Variants in DDX46 observed in about 807,000 individuals in gnomAD.
DDX46 encodes the protein DEAD-box helicase 46.
A neutral mutation model predicts 134.9 loss-of-function variants in DDX46; 30 were observed. The ratio of observed to expected loss-of-function variants is 0.22; its 90% CI spans 0.17 to 0.30. The LOEUF (loss-of-function observed/expected upper bound fraction) is 0.30. DDX46 is among the 10% of genes least tolerant of loss of function. The probability of loss-of-function intolerance (pLI) is 1.00; values close to 1 mark genes in which losing one functional copy is unlikely to be tolerated. For synonymous variants in DDX46, 415 were observed against 404.1 expected, an observed-to-expected ratio of 1.03 and a Z score of -0.32; for missense variants, 622 against 1,248.7, an observed-to-expected ratio of 0.50 and a Z score of 7.56.
At chr5:134,806,022 G>T (rs1009577301) in intron 15 of DDX46, among the ~76,000 whole-genome samples, 2 of 151,562 alleles carry the variant, frequency 1.3e-5, no homozygotes, top group Admixed American at 6.6e-5. Flanking sequence ...AGACCAGCCT[G>T]GCCAACATGG....
intron 5 of DDX46, 21 bp from the exon 6 acceptor site, chr5:134,777,553 A>G: frequency 6.2e-7 from 1 of 1,610,862 alleles, no homozygotes; most frequent in Non-Finnish European, 8.5e-7. Flanking sequence ...TGTTTAAAGA[A>G]TGTGTATTCT....
chr5:134,794,723 G>A lies in DDX46; in HGVS notation c.1627-127G>A, dbSNP rs546033734. 2.9e-4 allele frequency: 333 copies of A among 1,146,334 alleles called. 1 individual carries two copies. In the South Asian group the frequency reaches 4.6e-3, roughly 16 times the overall value. 71.0% of individuals were successfully genotyped at this position (1,146,334 alleles called of 1,614,324 possible). ...TGTGGAGTTGTCATTTCTTGAGATT[G>A]GGAGACTGTGGGAGTGGCAAAACTG... is the stretch of plus-strand genomic sequence containing the variant. On this transcript the variant is annotated intron_variant, in intron 13 of 22. Coordinates refer to ENST00000452510, the MANE Select transcript of DDX46 (RefSeq NM_001300860.2).
At chr5:134,782,145 A>G in intron 8 of DDX46, 59 bp downstream of exon 8, 1 of 1,447,026 alleles carries the variant, frequency 6.9e-7, no homozygotes, top group Non-Finnish European at 9.2e-7. Flanking sequence ...TACATTTCAC[A>G]TTGCTCAAGA....
rs1290351747 is a variant in DDX46, at chr5:134,770,906, T to G, written c.354T>G (p.Ser118=). The G allele has an allele frequency of 4.4e-6, 7 of 1,580,138 alleles. No individual in the cohort carries two copies. Among genetic ancestry groups the G allele is most frequent in the Non-Finnish European group, 6.0e-6 (7 of 1,169,022 alleles). ...GTCTCTTTTATTTTTTTGGTAGATC[T>G]AGGTCCAAAGAGAAAACTGATGGTG... is the stretch of plus-strand genomic sequence containing the variant. ...GNKSKKTENR[S]RSKEKTDGGE... Residue 118 remains serine, a synonymous_variant, in exon 4 of 23, where the codon TCT becomes TCG. Coordinates refer to ENST00000452510, the MANE Select transcript of DDX46 (RefSeq NM_001300860.2).
intron 1 of DDX46, among the ~76,000 whole-genome samples, chr5:134,762,309 T>C (rs1753413725): frequency 6.6e-6 from 1 of 151,038 alleles, no homozygotes; most frequent in Non-Finnish European, 1.5e-5. Context: ...TCTCAGCTAC[T>C]CTGGAGATTG....
chr5:134,790,385 G>A (rs1161309774), intron 12 of DDX46, 85 bp from the exon 13 acceptor site: 3 of 1,258,734 alleles, frequency 2.4e-6, no homozygotes, highest in African/African-American at 3.0e-5. Context: ...TTCCTTTACA[G>A]TTTTTAAAAG....
At chr5:134,802,151 ATTTC>A (rs1211378388) in intron 15 of DDX46, among the ~76,000 whole-genome samples, 3 of 126,946 alleles carry the variant, frequency 2.4e-5, no homozygotes, top group African/African-American at 5.8e-5. Context: ...AAATTGGATA[ATTTC>A]TTTCTTTTTT....
At chr5:134,761,209 A>G (rs1753374077) in intron 1 of DDX46, among the ~76,000 whole-genome samples, 1 of 152,110 alleles carries the variant, frequency 6.6e-6, no homozygotes, top group Admixed American at 6.6e-5. Flanking sequence ...TATTTTTTGT[A>G]GAGACAGGGT....
intron 1 of DDX46, among the ~76,000 whole-genome samples, chr5:134,762,900 CA>C (rs530214032): frequency 2.0e-5 from 3 of 151,266 alleles, no homozygotes; most frequent in African/African-American, 4.9e-5. Flanking sequence ...TCTAAAAATG[CA>C]AAAAAAATTT....
At chr5:134,815,792 C>T (rs1037289507) in intron 18 of DDX46, among the ~76,000 whole-genome samples, 1 of 150,288 alleles carries the variant, frequency 6.7e-6, no homozygotes. Context: ...TTCATCATTG[C>T]GCTTGCCTTG....
intron 5 of DDX46, among the ~76,000 whole-genome samples, chr5:134,776,294 G>A (rs1753934380): frequency 6.6e-6 from 1 of 151,984 alleles, no homozygotes. Flanking sequence ...GGAGGCTGAG[G>A]CAGAAGAATC....
chr5:134,784,355 T>G lies in DDX46; in HGVS notation c.1167-11T>G. On this transcript the variant is annotated splice_polypyrimidine_tract_variant and intron_variant, in intron 9 of 22. Transcript: ENST00000452510. ...ATTCTTACCTTTTCTTCCTTTGGTT[T>G]TCTTTTTAAGGCATGGCTATGAAAA... is the stretch of plus-strand genomic sequence containing the variant. The G allele has an allele frequency of 3.1e-6, 5 of 1,589,998 alleles. No homozygotes were observed. The highest frequency in any genetic ancestry group is 4.3e-6 in the Non-Finnish European group (5 of 1,170,118).
rs1265877411 is a variant in DDX46 at position 134,821,138 on chromosome 5, C to T, written c.2977+2134C>T. 2.6e-5 allele frequency among the ~76,000 whole-genome samples: 4 copies of T among 151,272 alleles called. No individual in the cohort carries two copies. In the East Asian group the frequency reaches 5.8e-4, roughly 22 times the overall value. Reference sequence around the variant, plus strand: ...CTGCCAGCTCCGCCTCCCGGGTTCACGCCATTCTCCTGCCTCAGCCTCCCA... The same window carrying T: ...CTGCCAGCTCCGCCTCCCGGGTTCATGCCATTCTCCTGCCTCAGCCTCCCA... On this transcript the variant is annotated intron_variant, in intron 21 of 22. Coordinates refer to ENST00000452510, the MANE Select transcript of DDX46 (RefSeq NM_001300860.2).
At position 134,766,983 on chromosome 5, in the gene DDX46, A is replaced by G; in HGVS notation, c.273A>G (p.Arg91=). Reference sequence around the variant, plus strand: ...GAAGATCTCGAAGTAGAGACAGGAGACGCTCAAGGAGTAGAAGCCGGGGCC... The same window carrying G: ...GAAGATCTCGAAGTAGAGACAGGAGGCGCTCAAGGAGTAGAAGCCGGGGCC... The part of the protein sequence containing the change: ...ERRRSRSRDR[R]RSRSRSRGRR... Residue 91 remains arginine (R), a synonymous_variant, in exon 3 of 23, where the codon AGA becomes AGG. Transcript: ENST00000452510. The G allele has an allele frequency of 1.2e-6, 2 of 1,614,202 alleles. No homozygotes were observed. Among genetic ancestry groups the G allele is most frequent in the Non-Finnish European group, 8.5e-7 (1 of 1,180,032 alleles).
intron 6 of DDX46, among the ~76,000 whole-genome samples, chr5:134,779,528 G>C (rs551575243): frequency 6.6e-6 from 1 of 151,758 alleles, no homozygotes; most frequent in Non-Finnish European, 1.5e-5. Context: ...ATGTTTTTTA[G>C]AGACAGGGTC....
At chr5:134,765,956 C>A (rs1476431152) in intron 2 of DDX46, among the ~76,000 whole-genome samples, 3 of 152,134 alleles carry the variant, frequency 2.0e-5, no homozygotes, top group Non-Finnish European at 4.4e-5. Flanking sequence ...AAAGTAGAAT[C>A]ACAAGATTTT....
At chr5:134,787,331 T>C (rs1048937998) in intron 11 of DDX46, among the ~76,000 whole-genome samples, 1 of 152,222 alleles carries the variant, frequency 6.6e-6, no homozygotes, top group African/African-American at 2.4e-5. Context: ...TTTGGAAATG[T>C]TGGAGTATAA....
intron 15 of DDX46, chr5:134,805,055 G>T (rs1402680367): frequency 5.9e-6 from 2 of 336,734 alleles, no homozygotes; most frequent in Non-Finnish European, 1.2e-5. Flanking sequence ...TATTACCAGG[G>T]ATTCCAGACA....
At chr5:134,811,394 A>AT (rs1337944715) in intron 17 of DDX46, 36 bp downstream of exon 17, 2 of 1,600,122 alleles carry the variant, frequency 1.2e-6, no homozygotes, top group Non-Finnish European at 1.7e-6. Flanking sequence ...TCTAGAAATC[A>AT]TTAATGTGAC....
Sources: allele counts gnomAD v4.1 joint callset (sites outside exome capture counted in the v4.1 genomes callset), GRCh38; gene constraint gnomAD v4.1.1; transcripts MANE v1.5; gene names NCBI Gene and HGNC (gene_info 2026-07-23, HGNC 2026-07-21).